The following CADPS variants were observed in gnomAD, a reference collection of about 807,000 sequenced individuals.
The protein encoded by CADPS is calcium dependent secretion activator, also known as calcium-dependent secretion activator 1.
A neutral mutation model predicts 167.3 loss-of-function variants in CADPS; 57 were observed. The ratio of observed to expected loss-of-function variants is 0.34; its 90% confidence interval spans 0.28 to 0.42. The LOEUF (loss-of-function observed/expected upper bound fraction) is 0.42, where lower values mean the gene tolerates loss of function less well. Ranked by LOEUF, CADPS falls within the 20% of genes least tolerant of loss-of-function variation. The pLI, the probability that CADPS is intolerant of heterozygous loss-of-function variation, is 1.00. For missense variants in CADPS, 1,414 were observed against 1,738.1 expected (o/e 0.81, Z 3.32); for synonymous variants, 676 against 635.3 (o/e 1.06, Z -0.96).
chr3:62,705,482 T>C (rs866328812), intron 3 of CADPS, among the ~76,000 whole-genome samples: 16 of 152,158 alleles, frequency 1.1e-4, no homozygotes, highest in African/African-American at 3.6e-4. Context: ...TCTGTGAGGG[T>C]GTTGCCAAAG....
At chr3:62,530,860 C>A in intron 13 of CADPS, 2 of 1,059,588 alleles carry the variant, frequency 1.9e-6, no homozygotes, top group Non-Finnish European at 2.3e-6. Context: ...GTGTGGCCAG[C>A]CATAGGAGAA....
chr3:62,726,322 T>C (rs371813120), intron 3 of CADPS, among the ~76,000 whole-genome samples: 1 of 151,926 alleles, frequency 6.6e-6, no homozygotes, highest in Non-Finnish European at 1.5e-5. Context: ...TGGAAGAATT[T>C]CCTTCATTTC....
chr3:62,479,220 G>A (rs1006290562), intron 22 of CADPS, among the ~76,000 whole-genome samples: 8 of 152,130 alleles, frequency 5.3e-5, no homozygotes, highest in South Asian at 2.1e-4. Context: ...CTTTCTATAC[G>A]ATGACGTCTA....
chr3:62,518,278 G>A (rs781394884), intron 13 of CADPS, 28 bp from the exon 14 acceptor site: 20 of 1,527,816 alleles, frequency 1.3e-5, no homozygotes, highest in Middle Eastern at 1.7e-4. Context: ...ATGAAATGAC[G>A]GGAACCTCAT....
chr3:62,671,607 T>A (rs4688306), intron 3 of CADPS, among the ~76,000 whole-genome samples: 109,651 of 151,960 alleles, frequency 0.72, 39,676 homozygotes, highest in East Asian at 0.88. Flanking sequence ...CGATTTCATA[T>A]TCATCCTCTC....
chr3:62,726,659 C>A (rs2076801836), intron 3 of CADPS, among the ~76,000 whole-genome samples: 1 of 151,868 alleles, frequency 6.6e-6, no homozygotes, highest in African/African-American at 2.4e-5. Flanking sequence ...CTTTGAGTGA[C>A]CCATTAAGTG....
chr3:62,464,535 G>A (rs548444739), intron 26 of CADPS, among the ~76,000 whole-genome samples: 134 of 152,280 alleles, frequency 8.8e-4, no homozygotes, highest in Non-Finnish European at 1.7e-3. Context: ...AAGAGTGGGA[G>A]AACTGGGCCC....
intron 3 of CADPS, among the ~76,000 whole-genome samples, chr3:62,701,421 C>T (rs2081360124): frequency 6.6e-6 from 1 of 151,864 alleles, no homozygotes; most frequent in South Asian, 2.1e-4. Flanking sequence ...ACAGGGAACT[C>T]TGTGACCACT....
chr3:62,449,978 A>G (rs1453093844), intron 26 of CADPS, among the ~76,000 whole-genome samples: 1 of 152,162 alleles, frequency 6.6e-6, no homozygotes, highest in Admixed American at 6.5e-5. Context: ...GGACAGTAAT[A>G]ACGCTACTCA....
intron 1 of CADPS, among the ~76,000 whole-genome samples, chr3:62,842,516 A>T (rs2076788060): frequency 6.6e-6 from 1 of 152,250 alleles, no homozygotes; most frequent in African/African-American, 2.4e-5. Flanking sequence ...TGCCTCAATT[A>T]TCCATTTAAT....
intron 13 of CADPS, among the ~76,000 whole-genome samples, chr3:62,520,281 G>A (rs2070154629): frequency 6.6e-6 from 1 of 152,184 alleles, no homozygotes; most frequent in Non-Finnish European, 1.5e-5. Context: ...TTTCTGCTTT[G>A]TGTCTGAGAT....
chr3:62,402,043 T>C (rs1327345297), intron 29 of CADPS, among the ~76,000 whole-genome samples: 2 of 152,160 alleles, frequency 1.3e-5, no homozygotes, highest in African/African-American at 4.8e-5. Flanking sequence ...ATAGTCTAAG[T>C]GTATACATTC....
At chr3:62,831,999 C>T (rs1231684253) in intron 1 of CADPS, among the ~76,000 whole-genome samples, 1 of 152,178 alleles carries the variant, frequency 6.6e-6, no homozygotes, top group African/African-American at 2.4e-5. Flanking sequence ...GGTCAAGATG[C>T]TAAGCAGACA....
intron 1 of CADPS, among the ~76,000 whole-genome samples, chr3:62,824,224 A>G (rs992783244): frequency 6.6e-6 from 1 of 152,162 alleles, no homozygotes; most frequent in African/African-American, 2.4e-5. Context: ...CTTCATAGAC[A>G]CATTTCAAAG....
At chr3:62,756,848 C>G (rs1331505486) in intron 2 of CADPS, among the ~76,000 whole-genome samples, 1 of 151,912 alleles carries the variant, frequency 6.6e-6, no homozygotes, top group Non-Finnish European at 1.5e-5. Flanking sequence ...CTGGGGGTGA[C>G]AGATGTAAGA....
chr3:62,820,078 GA>G (rs2094829159), intron 1 of CADPS, among the ~76,000 whole-genome samples: 1 of 151,940 alleles, frequency 6.6e-6, no homozygotes, highest in Non-Finnish European at 1.5e-5. Flanking sequence ...TGAAATTAAA[GA>G]AGCCATAAAA....
Position 62,753,385 on chromosome 3 carries a change from G to C in CADPS, c.888+56C>G. The C allele has an allele frequency of 7.9e-7, 1 of 1,263,518 alleles. No homozygotes were observed. The highest frequency in any genetic ancestry group is 1.4e-5 in the South Asian group (1 of 72,382). 78.3% of individuals were successfully genotyped at this position (1,263,518 alleles called of 1,614,324 possible). A position where few individuals can be genotyped will look rare whatever the true frequency, so the allele number is the denominator to read the frequency against. On this transcript the variant is annotated intron_variant, in intron 3 of 29. Transcript: ENST00000383710. This position sits in a 1 kb window ranked among gnomAD's most constrained non-coding sequence, Gnocchi z 4.6. ...AAAAATCAAGAAGTATCTCATAGAA[G>C]TTGGAATGCAGCTCTGCTTACCCAC...
At chr3:62,702,043 C>T (rs2081496998) in intron 3 of CADPS, among the ~76,000 whole-genome samples, 1 of 152,078 alleles carries the variant, frequency 6.6e-6, no homozygotes. Flanking sequence ...GACTATTTCC[C>T]TACCTGCTTC....
At chr3:62,736,246 C>T (rs1449419702) in intron 3 of CADPS, among the ~76,000 whole-genome samples, 4 of 152,204 alleles carry the variant, frequency 2.6e-5, no homozygotes, top group African/African-American at 4.8e-5. Flanking sequence ...ATAATGCCAA[C>T]TGCCTAACTT....
Sources: allele counts gnomAD v4.1 joint callset (sites outside exome capture counted in the v4.1 genomes callset), GRCh38; gene constraint gnomAD v4.1.1; non-coding constraint Gnocchi (gnomAD v3.1); transcripts MANE v1.5; gene names NCBI Gene and HGNC (gene_info 2026-07-23, HGNC 2026-07-21).